Variants in UNC13C observed in about 807,000 individuals in gnomAD.
The protein encoded by UNC13C is protein unc-13 homolog C.
UNC13C carries 174 observed loss-of-function variants against 245.4 expected under a neutral mutation model. The ratio of observed to expected loss-of-function variants is 0.71; its 90% CI spans 0.63 to 0.80. The LOEUF is 0.80. Among genes scored for constraint, UNC13C ranks in the 30% least tolerant of loss-of-function variants. The pLI is 0.00. For synonymous variants in UNC13C, 992 were observed against 895.1 expected (o/e 1.11, Z -1.93); for missense variants, 2,829 against 2,602.9 (o/e 1.09, Z -1.89).
intron 19 of UNC13C, among the ~76,000 whole-genome samples, chr15:54,419,733 G>C (rs1421850056): frequency 1.3e-5 from 2 of 152,068 alleles, no homozygotes; most frequent in African/African-American, 4.8e-5. Flanking sequence ...CAAGGATTTA[G>C]TTAAGTTACC....
intron 10 of UNC13C, among the ~76,000 whole-genome samples, chr15:54,286,529 C>T (rs62011995): frequency 0.034 from 5,199 of 152,254 alleles, 139 homozygotes; most frequent in Non-Finnish European, 0.049. Flanking sequence ...GCTTTACTGA[C>T]TATGAAAGCC....
At chr15:54,049,016 T>A in intron 2 of UNC13C, 1 of 382,094 alleles carries the variant, frequency 2.6e-6, no homozygotes, top group South Asian at 2.3e-5. Flanking sequence ...GAATTTTTTC[T>A]TCCTTCCCAA....
rs1416569966 is a variant in UNC13C, at chr15:54,455,238, T to TATA, written c.4934-39370_4934-39369insATA. Reference sequence around the variant, plus strand: ...ATATATATATATATATATATATATATGTTTTTTAATCCACTCATTGGTAGA... The same window carrying TATA: ...ATATATATATATATATATATATATATATAGTTTTTTAATCCACTCATTGGTAGA... On this transcript the variant is annotated intron_variant, in intron 19 of 32. Coordinates refer to ENST00000260323, the MANE Select transcript of UNC13C (RefSeq NM_001080534.3). Among the ~76,000 whole-genome samples the TATA allele has an allele frequency of 4.3e-5, 3 of 70,146 alleles. 1 individual carries two copies. Among genetic ancestry groups the TATA allele is most frequent in the Non-Finnish European group, 8.5e-5 (3 of 35,260 alleles). 46.0% of individuals were successfully genotyped at this position (70,146 alleles called of 152,430 possible).
At chr15:54,172,709 T>G (rs997618127) in intron 4 of UNC13C, among the ~76,000 whole-genome samples, 623 of 54,106 alleles carry the variant, frequency 0.012, 6 homozygotes, top group Non-Finnish European at 0.013. Flanking sequence ...CACAGATATA[T>G]ATATATATAT....
In UNC13C at chr15:54,539,507, C is replaced by T. The variant is rs533335666; in HGVS notation, c.5696+6441C>T. Among the ~76,000 whole-genome samples the T allele has an allele frequency of 7.2e-5, 11 of 151,980 alleles. No individual in the cohort carries two copies. The East Asian group carries it at 7.7e-4, about 11-fold the overall frequency. On this transcript the variant is annotated intron_variant, in intron 26 of 32. Coordinates refer to ENST00000260323, the MANE Select transcript of UNC13C (RefSeq NM_001080534.3). ...CTCTGGACATTTTTATCTTAGTATA[C>T]GACTCTTTTCTATGGACAACACAGA...
At chr15:54,395,010 ATT>A (rs201444287) in intron 18 of UNC13C, among the ~76,000 whole-genome samples, 4,034 of 151,866 alleles carry the variant, frequency 0.027, 69 homozygotes, top group Middle Eastern at 0.041. Context: ...GTTTTTTTCA[ATT>A]TTGTTTTTAA....
chr15:54,403,060 C>T (rs1219329700), intron 18 of UNC13C, among the ~76,000 whole-genome samples: 1 of 152,178 alleles, frequency 6.6e-6, no homozygotes, highest in Non-Finnish European at 1.5e-5. Context: ...GCTCCCTGCC[C>T]TGCAATATGA....
At chr15:54,239,872 C>A (rs1324183219) in intron 7 of UNC13C, among the ~76,000 whole-genome samples, 2 of 152,212 alleles carry the variant, frequency 1.3e-5, no homozygotes, top group African/African-American at 4.8e-5. Flanking sequence ...TGCTGAATCT[C>A]AAAGCATCTA....
intron 19 of UNC13C, among the ~76,000 whole-genome samples, chr15:54,453,519 T>G (rs1457762635): frequency 2.6e-5 from 4 of 152,218 alleles, no homozygotes; most frequent in Non-Finnish European, 4.4e-5. Flanking sequence ...ACCCTATATT[T>G]GGATAATCAG....
chr15:54,587,136 C>A (rs1454489363), intron 30 of UNC13C, among the ~76,000 whole-genome samples: 1 of 152,132 alleles, frequency 6.6e-6, no homozygotes, highest in Non-Finnish European at 1.5e-5. Context: ...ACTTAGATTT[C>A]AATTTCAAAC....
chr15:54,293,297 G>A (rs1175604509), intron 10 of UNC13C, among the ~76,000 whole-genome samples: 1 of 151,930 alleles, frequency 6.6e-6, no homozygotes, highest in Non-Finnish European at 1.5e-5. Context: ...GCAATACTAA[G>A]TAGCTTGCCT....
chr15:54,544,042 C>T (rs920376315), intron 26 of UNC13C, among the ~76,000 whole-genome samples: 1 of 152,050 alleles, frequency 6.6e-6, no homozygotes, highest in Non-Finnish European at 1.5e-5. Flanking sequence ...TGCAAAAATC[C>T]TCAATAAAAT....
At chr15:54,292,518 A>T (rs541602874) in intron 10 of UNC13C, among the ~76,000 whole-genome samples, 22 of 151,958 alleles carry the variant, frequency 1.4e-4, no homozygotes, top group Non-Finnish European at 2.7e-4. Context: ...TTATTCTTGT[A>T]TGTGCTGTAT....
At chr15:54,402,112 G>T (rs1461245847) in intron 18 of UNC13C, among the ~76,000 whole-genome samples, 2 of 151,434 alleles carry the variant, frequency 1.3e-5, no homozygotes, top group Non-Finnish European at 2.9e-5. Context: ...GGATCTAGGT[G>T]AACGGTTCAT....
intron 30 of UNC13C, among the ~76,000 whole-genome samples, chr15:54,595,238 C>T (rs778516302): frequency 3.3e-5 from 5 of 152,070 alleles, no homozygotes; most frequent in South Asian, 2.1e-4. Flanking sequence ...TGTGGAATGC[C>T]GTTATGCTCT....
intron 4 of UNC13C, among the ~76,000 whole-genome samples, chr15:54,189,391 A>G (rs2034105241): frequency 6.6e-6 from 1 of 152,098 alleles, no homozygotes; most frequent in African/African-American, 2.4e-5. Flanking sequence ...AATTTATTTT[A>G]ATAGTTCTTC....
At chr15:54,432,040 T>A (rs2040883151) in intron 19 of UNC13C, among the ~76,000 whole-genome samples, 1 of 151,572 alleles carries the variant, frequency 6.6e-6, no homozygotes, top group South Asian at 2.1e-4. Flanking sequence ...TTTAAAGATA[T>A]GATTTCTATA....
intron 17 of UNC13C, among the ~76,000 whole-genome samples, chr15:54,385,970 T>C (rs993972753): frequency 6.6e-6 from 1 of 152,184 alleles, no homozygotes; most frequent in Non-Finnish European, 1.5e-5. Flanking sequence ...AGTTGTGACA[T>C]TTGAGAACTC....
intron 31 of UNC13C, 56 bp from the exon 32 acceptor site, chr15:54,623,739 T>G (rs1900950197): frequency 6.6e-7 from 1 of 1,519,950 alleles, no homozygotes; most frequent in Admixed American, 2.0e-5. Context: ...TTTTAAAATT[T>G]CACTCTAAAT....
Sources: allele counts gnomAD v4.1 joint callset (sites outside exome capture counted in the v4.1 genomes callset), GRCh38; gene constraint gnomAD v4.1.1; transcripts MANE v1.5; gene names NCBI Gene and HGNC (gene_info 2026-07-23, HGNC 2026-07-21).